RBFOX1: variants seen among roughly 807,000 people sequenced by gnomAD.
The protein encoded by RBFOX1 is RNA binding protein fox-1 homolog 1.
In RBFOX1, 8 loss-of-function variants were observed where a neutral mutation model predicts 57.7. The ratio of observed to expected loss-of-function variants is 0.14; its 90% CI spans 0.08 to 0.25. The LOEUF (loss-of-function observed/expected upper bound fraction) is 0.25, where lower values mean the gene tolerates loss of function less well. Ranked by LOEUF, RBFOX1 falls within the 10% of genes least tolerant of loss-of-function variation. The pLI, the probability that RBFOX1 is intolerant of heterozygous loss-of-function variation, is 1.00. For missense variants in RBFOX1, 611 were observed against 548.5 expected (o/e 1.11, Z -1.14); for synonymous variants, 326 against 222.4 (o/e 1.47, Z -4.15).
intron 4 of RBFOX1, among the ~76,000 whole-genome samples, chr16:7,065,875 C>G (rs1326697400): frequency 6.6e-6 from 1 of 152,116 alleles, no homozygotes; most frequent in Non-Finnish European, 1.5e-5. Context: ...TTTTTAGACG[C>G]TACATGGAAG....
chr16:5,386,678 TC>T (rs2066267474), intron 1 of RBFOX1, among the ~76,000 whole-genome samples: 1 of 152,074 alleles, frequency 6.6e-6, no homozygotes, highest in Admixed American at 6.6e-5. Flanking sequence ...CTCCCACACA[TC>T]CTCACTTCCC....
chr16:7,333,259 G>A (rs1054409305), intron 4 of RBFOX1, among the ~76,000 whole-genome samples: 11 of 152,168 alleles, frequency 7.2e-5, no homozygotes, highest in Admixed American at 1.3e-4. Context: ...TCTAGCTATC[G>A]ACATCTCTCA....
intron 2 of RBFOX1, among the ~76,000 whole-genome samples, chr16:6,529,674 G>C (rs925780431): frequency 3.9e-5 from 6 of 151,984 alleles, no homozygotes; most frequent in African/African-American, 1.5e-4. Context: ...CAGGTATATT[G>C]AAATAAGAAC....
At chr16:5,867,142 G>A (rs988276883) in intron 3 of RBFOX1, among the ~76,000 whole-genome samples, 2 of 141,256 alleles carry the variant, frequency 1.4e-5, no homozygotes, top group African/African-American at 2.9e-5. Context: ...CTTGGTGGAA[G>A]AAAATGCATG....
At chr16:7,098,395 C>G (rs981078493) in intron 4 of RBFOX1, among the ~76,000 whole-genome samples, 2 of 152,082 alleles carry the variant, frequency 1.3e-5, no homozygotes, top group African/African-American at 4.8e-5. Context: ...GCCTCAAACT[C>G]CTGACCTCAA....
intron 2 of RBFOX1, among the ~76,000 whole-genome samples, chr16:6,601,203 A>G (rs62015539): frequency 0.066 from 10,036 of 152,254 alleles, 531 homozygotes; most frequent in African/African-American, 0.14. Flanking sequence ...TTTTAAGATC[A>G]TGAAATGGAA....
At chr16:5,760,149 G>T (rs1276319138) in intron 3 of RBFOX1, among the ~76,000 whole-genome samples, 2 of 152,046 alleles carry the variant, frequency 1.3e-5, no homozygotes, top group Admixed American at 1.3e-4. Flanking sequence ...TTGTTAGGGT[G>T]ACCAGGTTGT....
chr16:7,571,492 G>T (rs908103278), intron 5 of RBFOX1, among the ~76,000 whole-genome samples: 4 of 152,208 alleles, frequency 2.6e-5, no homozygotes, highest in Non-Finnish European at 2.9e-5. Context: ...AGGGAGCCCC[G>T]TGGTTCTTTA....
At chr16:6,976,604 C>T (rs554587679) in intron 3 of RBFOX1, among the ~76,000 whole-genome samples, 13 of 151,396 alleles carry the variant, frequency 8.6e-5, no homozygotes, top group East Asian at 5.8e-4. Context: ...CAGAGTAGGG[C>T]GTTCCCGAAA....
intron 4 of RBFOX1, among the ~76,000 whole-genome samples, chr16:5,920,715 C>T (rs1371489662): frequency 6.6e-6 from 1 of 152,106 alleles, no homozygotes; most frequent in African/African-American, 2.4e-5. Context: ...GATGCAGGGC[C>T]GTCCCTAGAC....
chr16:6,437,269 T>A (rs1292391518), intron 2 of RBFOX1, among the ~76,000 whole-genome samples: 1 of 152,228 alleles, frequency 6.6e-6, no homozygotes, highest in Non-Finnish European at 1.5e-5. Context: ...GACCTGCATT[T>A]ACTTTATTTA....
intron 4 of RBFOX1, among the ~76,000 whole-genome samples, chr16:5,893,997 C>G (rs568235168): frequency 6.6e-6 from 1 of 152,138 alleles, no homozygotes. Context: ...GGGAGGGAAT[C>G]AAGGCTGAAA....
intron 3 of RBFOX1, among the ~76,000 whole-genome samples, chr16:5,766,822 C>G (rs546210623): frequency 6.6e-6 from 1 of 152,330 alleles, no homozygotes; most frequent in Non-Finnish European, 1.5e-5. Flanking sequence ...CCTCTGCTCT[C>G]TATCCCTCCC....
chr16:7,674,312 CATTTAA>C (rs1413939229), intron 13 of RBFOX1, among the ~76,000 whole-genome samples: 2 of 152,170 alleles, frequency 1.3e-5, no homozygotes, highest in African/African-American at 4.8e-5. Flanking sequence ...TGGCTATTTA[CATTTAA>C]ATTCAAATTA....
chr16:7,028,118 A>T (rs1490341057), intron 3 of RBFOX1, among the ~76,000 whole-genome samples: 1 of 152,148 alleles, frequency 6.6e-6, no homozygotes, highest in South Asian at 2.1e-4. Flanking sequence ...TTGACTGCCT[A>T]GAAGCCTGCA....
chr16:5,816,038 C>G (rs1274939696), intron 3 of RBFOX1, among the ~76,000 whole-genome samples: 1 of 152,222 alleles, frequency 6.6e-6, no homozygotes, highest in East Asian at 1.9e-4. Flanking sequence ...AAAAGGACAG[C>G]AGCTCTGGCT....
At chr16:5,816,213 A>C (rs1042047374) in intron 3 of RBFOX1, among the ~76,000 whole-genome samples, 3 of 152,174 alleles carry the variant, frequency 2.0e-5, no homozygotes, top group Non-Finnish European at 4.4e-5. Flanking sequence ...GCTTGGAGGC[A>C]CTGGGATTTC....
At chr16:6,631,400 T>C (rs1437258859) in intron 2 of RBFOX1, among the ~76,000 whole-genome samples, 2 of 151,392 alleles carry the variant, frequency 1.3e-5, no homozygotes, top group Non-Finnish European at 2.9e-5. Context: ...CTTTTTATTA[T>C]GAAACATATT....
intron 3 of RBFOX1, among the ~76,000 whole-genome samples, chr16:6,906,104 CA>C: frequency 7.2e-6 from 1 of 138,810 alleles, no homozygotes; most frequent in African/African-American, 2.9e-5. Context: ...TTTGCTTTAT[CA>C]TTAAAAAAAA....
Sources: gnomAD v4.1 joint callset for allele counts (sites outside exome capture counted in the v4.1 genomes callset) on GRCh38, gnomAD v4.1.1 for gene constraint, MANE v1.5 for transcripts, NCBI Gene and HGNC (gene_info 2026-07-23, HGNC 2026-07-21) for gene names.